The following PPP3CB variants were observed in gnomAD, a reference collection of about 807,000 sequenced individuals.
PPP3CB encodes protein phosphatase 3 catalytic subunit beta, also known as serine/threonine-protein phosphatase 2B catalytic subunit beta isoform.
Under a neutral mutation model 66.4 loss-of-function variants are expected in PPP3CB, and 8 were observed. The observed-to-expected ratio is 0.12, with a 90% CI of 0.07 to 0.22. The LOEUF (loss-of-function observed/expected upper bound fraction) is 0.22, where lower values mean the gene tolerates loss of function less well. PPP3CB is among the 10% of genes least tolerant of loss of function. PPP3CB has a pLI of 1.00. For missense variants in PPP3CB, 319 were observed against 642.5 expected (o/e 0.50, Z 5.44); for synonymous variants, 208 against 221.2 (o/e 0.94, Z 0.53).
intron 9 of PPP3CB, among the ~76,000 whole-genome samples, chr10:73,459,259 C>T (rs530626713): frequency 1.3e-5 from 2 of 152,262 alleles, no homozygotes; most frequent in African/African-American, 4.8e-5. Flanking sequence ...GAGGCCGAGG[C>T]GGGTGGATCA....
chr10:73,490,976 G>A (rs946519718), intron 1 of PPP3CB, among the ~76,000 whole-genome samples: 1 of 149,580 alleles, frequency 6.7e-6, no homozygotes, highest in African/African-American at 2.5e-5. Flanking sequence ...AGGATTACAG[G>A]TGCGTGCCAC....
In PPP3CB at chr10:73,495,829, G is replaced by C. The variant is rs771417243; in HGVS notation, c.61C>G (p.Pro21Ala). 1 of 1,541,312 alleles carries C rather than the reference G, an allele frequency of 6.5e-7. No individual in the cohort carries two copies. The highest frequency in any genetic ancestry group is 8.7e-7 in the Non-Finnish European group (1 of 1,145,548). Residue 21 changes from proline (P) to alanine (A), a missense_variant, in exon 1 of 14, where the codon CCC becomes GCC. By Grantham distance (27) the Pro-to-Ala change is conservative. Coordinates refer to ENST00000360663, the MANE Select transcript of PPP3CB (RefSeq NM_021132.4). ...PPPPPPPPPP[P>A]GADRVVKAVP... The stretch of plus-strand genomic sequence containing the variant: ...CCTTTGACGACGCGGTCAGCCCCGG[G>C]AGGGGGCGGCGGGGGCGGGGGTGGG...
At chr10:73,452,979 A>C (rs1022866774) in intron 10 of PPP3CB, among the ~76,000 whole-genome samples, 5 of 152,230 alleles carry the variant, frequency 3.3e-5, no homozygotes, top group Admixed American at 2.0e-4. Flanking sequence ...TTTACTCGAA[A>C]AGTGATCAAA....
intron 9 of PPP3CB, among the ~76,000 whole-genome samples, chr10:73,466,114 G>A (rs1020495553): frequency 6.6e-6 from 1 of 152,138 alleles, no homozygotes; most frequent in Non-Finnish European, 1.5e-5. Flanking sequence ...GGGATCCACA[G>A]AATTCATCTT....
chr10:73,492,071 G>A (rs185539132), intron 1 of PPP3CB, among the ~76,000 whole-genome samples: 1 of 152,028 alleles, frequency 6.6e-6, no homozygotes, highest in African/African-American at 2.4e-5. Context: ...TTTATAAGCA[G>A]GGCAACTGGC....
chr10:73,471,685 T>C (rs112027578), intron 4 of PPP3CB, 72 bp from the exon 5 acceptor site: 22 of 1,197,318 alleles, frequency 1.8e-5, no homozygotes, highest in African/African-American at 1.6e-4. Flanking sequence ...ACATATATAT[T>C]AGATTTTTAT....
At chr10:73,476,544 G>A (rs1163007049) in intron 3 of PPP3CB, among the ~76,000 whole-genome samples, 1 of 151,512 alleles carries the variant, frequency 6.6e-6, no homozygotes, top group Non-Finnish European at 1.5e-5. Flanking sequence ...TTGAACCTGG[G>A]AGGCAGAGGT....
At chr10:73,470,587 A>T (rs1406060648) in intron 8 of PPP3CB, 100 bp downstream of exon 8, 1 of 673,126 alleles carries the variant, frequency 1.5e-6, no homozygotes, top group Non-Finnish European at 2.4e-6. Context: ...AGAAATCTGG[A>T]TACTAATAGT....
intron 10 of PPP3CB, among the ~76,000 whole-genome samples, chr10:73,447,762 T>C (rs892251810): frequency 4.0e-5 from 6 of 151,818 alleles, no homozygotes; most frequent in African/African-American, 1.5e-4. Context: ...GGGAAAAAAA[T>C]AGGCTCCATG....
At chr10:73,478,046 C>G (rs1005670758) in intron 3 of PPP3CB, among the ~76,000 whole-genome samples, 1 of 152,136 alleles carries the variant, frequency 6.6e-6, no homozygotes, top group Non-Finnish European at 1.5e-5. Flanking sequence ...CACAAAGATT[C>G]CATAGGATAT....
At chr10:73,493,144 C>T (rs570058213) in intron 1 of PPP3CB, among the ~76,000 whole-genome samples, 4 of 151,996 alleles carry the variant, frequency 2.6e-5, no homozygotes, top group African/African-American at 9.7e-5. Context: ...GGCATGGTGG[C>T]GCGCACCTAT....
rs1202445777 is a variant in PPP3CB, at chr10:73,471,213, T to G, written c.670-4A>C. 1.3e-6 allele frequency: 2 copies of G among 1,578,258 alleles called. No homozygotes were observed. Among genetic ancestry groups the G allele is most frequent in the African/African-American group, 2.7e-5 (2 of 73,294 alleles). ...GTGGCTCTTTGAATCTATCTAACTG[T>G]GAAAGAAAGAAAAGAAAGAACAGAA... On this transcript the variant is annotated splice_polypyrimidine_tract_variant and splice_region_variant and intron_variant, in intron 5 of 13. Coordinates refer to ENST00000360663, the MANE Select transcript of PPP3CB (RefSeq NM_021132.4).
chr10:73,479,294 A>C (rs1320450514), intron 2 of PPP3CB, 23 bp downstream of exon 2: 1 of 1,599,240 alleles, frequency 6.3e-7, no homozygotes, highest in Non-Finnish European at 8.6e-7. Flanking sequence ...TAAAAATAAT[A>C]CCCAAAACAT....
chr10:73,467,738 T>C lies in PPP3CB; in HGVS notation c.983-60A>G, dbSNP rs754373806. 8.3e-5 allele frequency: 117 copies of C among 1,417,906 alleles called. 1 individual carries two copies. The highest frequency in any genetic ancestry group is 1.0e-4 in the Non-Finnish European group (110 of 1,047,704). The allele number at this position is 1,417,906 out of a possible 1,614,324, so 87.8% of individuals were successfully genotyped here. The stretch of plus-strand genomic sequence containing the variant: ...ATAAGTAACTATTTGTCATTAGCCT[T>C]AAAAATATAAAATACATAAAAGCAG... On this transcript the variant is annotated intron_variant, in intron 8 of 13. Transcript: ENST00000360663.
intron 3 of PPP3CB, 63 bp from the exon 4 acceptor site, chr10:73,475,093 C>A: frequency 1.3e-6 from 2 of 1,554,864 alleles, no homozygotes; most frequent in South Asian, 1.2e-5. Context: ...GCTGCTTGAT[C>A]TTTGCTCCTT....
In PPP3CB at chr10:73,474,956, G is replaced by A. The variant is rs751749888; in HGVS notation, c.486C>T (p.Cys162=). 6.2e-7 allele frequency: 1 copy of A among 1,614,008 alleles called. No homozygotes were observed. The highest frequency in any genetic ancestry group is 8.5e-7 in the Non-Finnish European group (1 of 1,179,992). The change falls in exon 4 of 14, where the codon TGC becomes TGT. Residue 162 remains cysteine (C), a synonymous_variant. Transcript: ENST00000360663. ...AGGTAAAATATTCAGTAAGGTGTCT[G>A]CATTCATGGTTGCCTCTCAGAAGAA... ...TLFLLRGNHE[C]RHLTEYFTFK... is the part of the protein sequence containing the mutation.
chr10:73,474,466 T>C (rs2056756903), intron 4 of PPP3CB, among the ~76,000 whole-genome samples: 1 of 152,104 alleles, frequency 6.6e-6, no homozygotes, highest in Admixed American at 6.5e-5. Context: ...TCTGACTCTA[T>C]TGCCCAGGCA....
intron 9 of PPP3CB, among the ~76,000 whole-genome samples, chr10:73,457,956 A>C (rs2056457754): frequency 6.6e-6 from 1 of 152,128 alleles, no homozygotes; most frequent in African/African-American, 2.4e-5. Flanking sequence ...AATGATAGAC[A>C]AAGGAGACTT....
chr10:73,452,217 T>C (rs952060589), intron 10 of PPP3CB, among the ~76,000 whole-genome samples: 1 of 152,132 alleles, frequency 6.6e-6, no homozygotes, highest in African/African-American at 2.4e-5. Flanking sequence ...TTATTCATTA[T>C]CTCAATACCT....
Sources: gnomAD v4.1 joint callset for allele counts (sites outside exome capture counted in the v4.1 genomes callset) on GRCh38, gnomAD v4.1.1 for gene constraint, MANE v1.5 for transcripts, NCBI Gene and HGNC (gene_info 2026-07-23, HGNC 2026-07-21) for gene names.